Variants in CNDP1 observed in about 807,000 individuals in gnomAD.
CNDP1 encodes beta-Ala-His dipeptidase.
In CNDP1, 44 loss-of-function variants were observed where a neutral mutation model predicts 58.1. The ratio of observed to expected loss-of-function variants is 0.76; its 90% confidence interval spans 0.60 to 0.97. CNDP1 has a LOEUF of 0.97. Among genes scored for constraint, CNDP1 ranks in the 50% least tolerant of loss-of-function variants. The pLI, the probability that CNDP1 is intolerant of heterozygous loss-of-function variation, is 0.00. For synonymous variants in CNDP1, 254 were observed against 252.6 expected (o/e 1.01, Z -0.05); for missense variants, 616 against 655.1 (o/e 0.94, Z 0.65).
At chr18:74,542,239 G>C (rs1980643998) in intron 1 of CNDP1, among the ~76,000 whole-genome samples, 1 of 152,244 alleles carries the variant, frequency 6.6e-6, no homozygotes, top group Non-Finnish European at 1.5e-5. Flanking sequence ...TTTGCTTGTT[G>C]AGCTCCTGGT....
At chr18:74,583,465 AAGAG>A in intron 10 of CNDP1, 92 bp from the exon 11 acceptor site, 1 of 981,420 alleles carries the variant, frequency 1.0e-6, no homozygotes, top group Non-Finnish European at 1.6e-6. Flanking sequence ...AACAAGGAAA[AAGAG>A]AGAGGAAGGT....
chr18:74,560,764 A>G, intron 3 of CNDP1, 92 bp from the exon 4 acceptor site: 5 of 1,176,232 alleles, frequency 4.3e-6, no homozygotes, highest in Non-Finnish European at 5.0e-6. Flanking sequence ...AGTTTCTCCC[A>G]ATGTCAAACA....
At chr18:74,565,336 C>T (rs1410383668) in intron 5 of CNDP1, among the ~76,000 whole-genome samples, 1 of 152,184 alleles carries the variant, frequency 6.6e-6, no homozygotes, top group Non-Finnish European at 1.5e-5. Flanking sequence ...GCCATAATTT[C>T]CCAATAGTCC....
At chr18:74,569,074 C>T (rs1981403123) in intron 6 of CNDP1, among the ~76,000 whole-genome samples, 1 of 152,116 alleles carries the variant, frequency 6.6e-6, no homozygotes, top group Non-Finnish European at 1.5e-5. Flanking sequence ...TTAATGAAGA[C>T]CGAGAACAGG....
chr18:74,535,580 C>CTTT (rs10685765), intron 1 of CNDP1, among the ~76,000 whole-genome samples: 21,068 of 106,484 alleles, frequency 0.2, 2,224 homozygotes, highest in Middle Eastern at 0.28. Context: ...CCATTGCTGA[C>CTTT]TTTTTTTTTT....
At chr18:74,572,846 C>A (rs1440607825) in intron 7 of CNDP1, among the ~76,000 whole-genome samples, 2 of 139,226 alleles carry the variant, frequency 1.4e-5, no homozygotes, top group African/African-American at 2.7e-5. Context: ...ATAGAAAAAG[C>A]AAAAAAAAAA....
intron 10 of CNDP1, among the ~76,000 whole-genome samples, chr18:74,581,218 CTGTGTGTGTGTGTGTGTGTGTGTG>C (rs56269857): frequency 5.1e-5 from 7 of 138,424 alleles, no homozygotes; most frequent in Non-Finnish European, 1.1e-4. Flanking sequence ...CACACCTATC[CTGTGTGTGTGTGTGTGTGTGTGTG>C]TGTGTGTGTG....
chr18:74,541,702 C>T (rs1236047092), intron 1 of CNDP1, among the ~76,000 whole-genome samples: 7 of 152,196 alleles, frequency 4.6e-5, no homozygotes, highest in Admixed American at 4.6e-4. Flanking sequence ...CCCCTTCGTC[C>T]CAGCCCTAAT....
chr18:74,579,188 T>TTCCCTTGCCTTG (rs1568300947), intron 9 of CNDP1, among the ~76,000 whole-genome samples: 2 of 118,420 alleles, frequency 1.7e-5, no homozygotes, highest in Admixed American at 8.4e-5. Flanking sequence ...CTTCTCCCTT[T>TTCCCTTGCCTTG]CCTTCCCTTC....
chr18:74,567,074 C>T (rs1254945277), intron 5 of CNDP1, 159 bp from the exon 6 acceptor site: 2 of 632,088 alleles, frequency 3.2e-6, no homozygotes, highest in Non-Finnish European at 5.7e-6. Context: ...ACGAGAATAG[C>T]ACAGGAAAGA....
chr18:74,560,010 CTTTTTT>C (rs398033526), intron 3 of CNDP1, among the ~76,000 whole-genome samples: 1 of 121,326 alleles, frequency 8.2e-6, no homozygotes, highest in Non-Finnish European at 1.6e-5. Context: ...CATCTGCATT[CTTTTTT>C]TTTTTTTTTT....
intron 1 of CNDP1, among the ~76,000 whole-genome samples, chr18:74,554,836 C>G (rs529739070): frequency 1.3e-5 from 2 of 152,266 alleles, no homozygotes; most frequent in East Asian, 3.9e-4. Context: ...ACCCAGGCTG[C>G]TTTGTGGAGG....
chr18:74,569,727 T>A (rs1032660688), intron 6 of CNDP1, among the ~76,000 whole-genome samples: 2 of 152,038 alleles, frequency 1.3e-5, no homozygotes, highest in African/African-American at 4.8e-5. Context: ...AGGAGGCAAT[T>A]CTCCTTAGTG....
intron 3 of CNDP1, among the ~76,000 whole-genome samples, chr18:74,560,479 G>A (rs904459570): frequency 1.3e-5 from 2 of 152,236 alleles, no homozygotes; most frequent in African/African-American, 2.4e-5. Context: ...AGGCTAAGGC[G>A]GGCGGATTAG....
At chr18:74,559,525 A>G (rs1981132797) in intron 3 of CNDP1, 53 bp downstream of exon 3, 1 of 1,553,196 alleles carries the variant, frequency 6.4e-7, no homozygotes, top group Admixed American at 1.9e-5. Flanking sequence ...GACGTCAGTC[A>G]TGCCTTCCCG....
At chr18:74,542,672 TG>T (rs1682865746) in intron 1 of CNDP1, among the ~76,000 whole-genome samples, 4 of 152,254 alleles carry the variant, frequency 2.6e-5, no homozygotes, top group Admixed American at 2.6e-4. Context: ...ACTATAGGTA[TG>T]CACCACCTGG....
chr18:74,542,275 A>G (rs1443813130), intron 1 of CNDP1, among the ~76,000 whole-genome samples: 1 of 152,222 alleles, frequency 6.6e-6, no homozygotes, highest in Non-Finnish European at 1.5e-5. Flanking sequence ...ATTAGTCATT[A>G]TTAGCCAATT....
intron 1 of CNDP1, among the ~76,000 whole-genome samples, chr18:74,537,268 G>A (rs1980507551): frequency 6.6e-6 from 1 of 152,140 alleles, no homozygotes; most frequent in Non-Finnish European, 1.5e-5. Flanking sequence ...AGAGTCTGGG[G>A]TTTTATGTTT....
chr18:74,576,751 C>T (rs1291016841), intron 7 of CNDP1, 118 bp from the exon 8 acceptor site: 2 of 861,558 alleles, frequency 2.3e-6, no homozygotes, highest in African/African-American at 3.4e-5. Context: ...GCCACGGGGA[C>T]CCAGACAGTC....
Sources: gnomAD v4.1 joint callset for allele counts (sites outside exome capture counted in the v4.1 genomes callset) on GRCh38, gnomAD v4.1.1 for gene constraint, MANE v1.5 for transcripts, NCBI Gene and HGNC (gene_info 2026-07-23, HGNC 2026-07-21) for gene names.